The following USH2A variants were observed in gnomAD, a reference collection of about 807,000 sequenced individuals.
The protein encoded by USH2A is Usher syndrome 2A (autosomal recessive, mild).
USH2A carries 443 observed loss-of-function variants against 538.9 expected under a neutral mutation model. That is an observed-to-expected ratio of 0.82 (90% confidence interval 0.76 to 0.89). The LOEUF (loss-of-function observed/expected upper bound fraction) is 0.89, where lower values mean the gene tolerates loss of function less well. Among genes scored for constraint, USH2A ranks in the 40% least tolerant of loss-of-function variants. The probability of loss-of-function intolerance (pLI) is 0.00; values close to 1 mark genes in which losing one functional copy is unlikely to be tolerated. For synonymous variants in USH2A, 2,413 were observed against 2,273.5 expected, an observed-to-expected ratio of 1.06 and a Z score of -1.75; for missense variants, 6,633 against 6,324.8, an observed-to-expected ratio of 1.05 and a Z score of -1.65.
At chr1:215,767,346 T>A (rs1661161038) in intron 55 of USH2A, among the ~76,000 whole-genome samples, 1 of 152,176 alleles carries the variant, frequency 6.6e-6, no homozygotes, top group African/African-American at 2.4e-5. Flanking sequence ...GCTTCTTATA[T>A]AAATACGGGC....
chr1:215,855,067 C>A (rs932770792), intron 44 of USH2A, among the ~76,000 whole-genome samples: 1 of 152,166 alleles, frequency 6.6e-6, no homozygotes, highest in African/African-American at 2.4e-5. Flanking sequence ...ACTCTCTTAC[C>A]ATCCCTATCT....
intron 32 of USH2A, among the ~76,000 whole-genome samples, chr1:216,013,089 G>C (rs530830012): frequency 1.3e-5 from 2 of 152,140 alleles, no homozygotes; most frequent in Non-Finnish European, 2.9e-5. Context: ...GGACTATGCT[G>C]AATCTCCTTA....
chr1:215,758,426 C>T (rs555289186), intron 58 of USH2A, among the ~76,000 whole-genome samples, 169 bp downstream of exon 58: 1 of 152,016 alleles, frequency 6.6e-6, no homozygotes, highest in Non-Finnish European at 1.5e-5. Flanking sequence ...TATGTATGTA[C>T]TCATGCGTCT....
intron 21 of USH2A, among the ~76,000 whole-genome samples, chr1:216,129,542 T>G (rs1001977529): frequency 3.3e-5 from 5 of 152,026 alleles, no homozygotes; most frequent in African/African-American, 1.2e-4. Flanking sequence ...ACAACATTGA[T>G]GAAAGAAATT....
intron 9 of USH2A, among the ~76,000 whole-genome samples, chr1:216,315,604 A>T (rs933544628): frequency 1.3e-5 from 2 of 152,152 alleles, no homozygotes; most frequent in Admixed American, 6.5e-5. Context: ...TTGTACACAA[A>T]TCACACTTTT....
At chr1:216,053,454 C>CTTTT (rs34981846) in intron 30 of USH2A, among the ~76,000 whole-genome samples, 3 of 111,184 alleles carry the variant, frequency 2.7e-5, no homozygotes, top group African/African-American at 6.6e-5. Flanking sequence ...CCAGAGAAGT[C>CTTTT]TTTTTTTTTT....
chr1:215,821,889 C>T (rs2102800987), intron 47 of USH2A, among the ~76,000 whole-genome samples: 1 of 152,010 alleles, frequency 6.6e-6, no homozygotes, highest in African/African-American at 2.4e-5. Flanking sequence ...ACTGTTTCCT[C>T]ATTGCAAGTT....
chr1:216,317,357 A>T (rs1385643128), intron 9 of USH2A, among the ~76,000 whole-genome samples: 1 of 152,136 alleles, frequency 6.6e-6, no homozygotes, highest in Non-Finnish European at 1.5e-5. Flanking sequence ...ACACATGGAC[A>T]CATGTCGGGG....
intron 67 of USH2A, among the ~76,000 whole-genome samples, chr1:215,646,171 T>G (rs1469220710): frequency 2.6e-5 from 4 of 152,122 alleles, no homozygotes; most frequent in Non-Finnish European, 5.9e-5. Flanking sequence ...TGGGGTATAA[T>G]AAGCTGGACC....
intron 21 of USH2A, among the ~76,000 whole-genome samples, chr1:216,151,255 CCTT>C (rs1235851053): frequency 1.3e-5 from 2 of 152,080 alleles, no homozygotes; most frequent in Non-Finnish European, 2.9e-5. Context: ...TTTCAGCACT[CCTT>C]CTCACCTTTT....
intron 58 of USH2A, among the ~76,000 whole-genome samples, chr1:215,755,086 C>T (rs920855102): frequency 6.6e-6 from 1 of 152,158 alleles, no homozygotes; most frequent in Non-Finnish European, 1.5e-5. Flanking sequence ...TAGATCTGTT[C>T]CTTGGTCCTC....
At chr1:215,710,582 T>C (rs1659312802) in intron 61 of USH2A, among the ~76,000 whole-genome samples, 1 of 152,028 alleles carries the variant, frequency 6.6e-6, no homozygotes, top group African/African-American at 2.4e-5. Flanking sequence ...AAGGAAAGGG[T>C]CCTACGGCTC....
At chr1:216,277,784 G>C (rs1292482801) in intron 11 of USH2A, among the ~76,000 whole-genome samples, 1 of 151,930 alleles carries the variant, frequency 6.6e-6, no homozygotes, top group East Asian at 1.9e-4. Context: ...CACCTCTTTT[G>C]GACCAAAGCA....
At chr1:215,841,072 A>C (rs1663665150) in intron 46 of USH2A, among the ~76,000 whole-genome samples, 1 of 152,220 alleles carries the variant, frequency 6.6e-6, no homozygotes, top group Non-Finnish European at 1.5e-5. Context: ...AAAACATTCC[A>C]TGCTCATGGA....
intron 30 of USH2A, among the ~76,000 whole-genome samples, chr1:216,049,968 T>C (rs992126958): frequency 2.6e-5 from 4 of 152,168 alleles, no homozygotes; most frequent in Non-Finnish European, 4.4e-5. Context: ...TATACACACA[T>C]GTGTGACCAT....
In USH2A at chr1:215,704,155, C is replaced by A. The variant is rs567526836; in HGVS notation, c.12067-23779G>T. ...CCATGGGCTGCACCCACTGTCCAACCAGTCCCAGTGGGATGAACCGGGTAT... is the reference window on the plus strand; with the variant it reads ...CCATGGGCTGCACCCACTGTCCAACAAGTCCCAGTGGGATGAACCGGGTAT... On this transcript the variant is annotated intron_variant, in intron 61 of 71. Transcript: ENST00000307340. 3.3e-5 allele frequency among the ~76,000 whole-genome samples: 5 copies of A among 152,342 alleles called. 1 individual carries two copies. The South Asian group carries it at 1.0e-3, about 32-fold the overall frequency.
chr1:215,642,938 C>T (rs537011800), intron 67 of USH2A, among the ~76,000 whole-genome samples: 1 of 152,222 alleles, frequency 6.6e-6, no homozygotes, highest in East Asian at 1.9e-4. Context: ...TCTCCAGACC[C>T]GTTGCTGAGT....
intron 20 of USH2A, among the ~76,000 whole-genome samples, chr1:216,175,910 C>T (rs1308413119): frequency 1.3e-5 from 2 of 152,086 alleles, no homozygotes; most frequent in East Asian, 3.9e-4. Flanking sequence ...CTTCCCTTGG[C>T]TGAGTAAGAG....
At chr1:215,872,272 A>C (rs569796547) in intron 43 of USH2A, among the ~76,000 whole-genome samples, 81 of 152,350 alleles carry the variant, frequency 5.3e-4, no homozygotes, top group African/African-American at 1.9e-3. Context: ...ATAGCTATTA[A>C]AATTTTCAGC....
Sources: allele counts gnomAD v4.1 joint callset (sites outside exome capture counted in the v4.1 genomes callset), GRCh38; gene constraint gnomAD v4.1.1; transcripts MANE v1.5; gene names NCBI Gene and HGNC (gene_info 2026-07-23, HGNC 2026-07-21).